ATRNL1: variants seen among roughly 807,000 people sequenced by gnomAD.
ATRNL1 encodes the protein attractin-like protein 1.
A neutral mutation model predicts 182.7 loss-of-function variants in ATRNL1; 95 were observed. The ratio of observed to expected loss-of-function variants is 0.52; its 90% confidence interval spans 0.44 to 0.62. The LOEUF (loss-of-function observed/expected upper bound fraction) is 0.62, where lower values mean the gene tolerates loss of function less well. ATRNL1 is among the 20% of genes least tolerant of loss of function. The probability of loss-of-function intolerance (pLI) is 0.00; values close to 1 mark genes in which losing one functional copy is unlikely to be tolerated. For missense variants in ATRNL1, 1,471 were observed against 1,679.5 expected (o/e 0.88, Z 2.17); for synonymous variants, 576 against 568.3 (o/e 1.01, Z -0.19).
At chr10:115,562,672 G>T (rs1180389050) in intron 26 of ATRNL1, among the ~76,000 whole-genome samples, 2 of 152,040 alleles carry the variant, frequency 1.3e-5, no homozygotes, top group African/African-American at 4.8e-5. Flanking sequence ...TTTTATAAGG[G>T]GATTCCCCCT....
chr10:115,804,318 T>C (rs965804161), intron 27 of ATRNL1, among the ~76,000 whole-genome samples: 16 of 152,154 alleles, frequency 1.1e-4, no homozygotes, highest in African/African-American at 3.9e-4. Flanking sequence ...AATGTTTGTG[T>C]CCCTTTACAG....
At chr10:115,520,948 A>G (rs1850896162) in intron 25 of ATRNL1, among the ~76,000 whole-genome samples, 1 of 152,230 alleles carries the variant, frequency 6.6e-6, no homozygotes, top group Non-Finnish European at 1.5e-5. Flanking sequence ...ATGTGTAAAA[A>G]GTGCATTCGT....
At chr10:115,852,866 G>A (rs1249629770) in intron 28 of ATRNL1, among the ~76,000 whole-genome samples, 1 of 152,162 alleles carries the variant, frequency 6.6e-6, no homozygotes, top group African/African-American at 2.4e-5. Context: ...TGGCGCATCT[G>A]CTCATGAAAC....
At chr10:115,910,481 C>G (rs1952641927) in intron 28 of ATRNL1, among the ~76,000 whole-genome samples, 1 of 152,146 alleles carries the variant, frequency 6.6e-6, no homozygotes, top group Non-Finnish European at 1.5e-5. Context: ...CTGAGCCACC[C>G]CCCACCCTCC....
chr10:115,535,033 C>T (rs1851878050), intron 25 of ATRNL1, among the ~76,000 whole-genome samples: 1 of 151,820 alleles, frequency 6.6e-6, no homozygotes, highest in South Asian at 2.1e-4. Context: ...CTCTGGCTGC[C>T]CTTAACATTT....
At position 115,169,228 on chromosome 10, in the gene ATRNL1, A is replaced by T. The variant is rs1847187527; in HGVS notation, c.1093-1809A>T. On this transcript the variant is annotated intron_variant, in intron 7 of 28. Coordinates refer to ENST00000355044, the MANE Select transcript of ATRNL1 (RefSeq NM_207303.4). ...TTACTTTTTTTTTTTTTTTTTTGAG[A>T]CAGAGTCTTGCTCTGTCACCCAGGC... Among the ~76,000 whole-genome samples the T allele has an allele frequency of 2.9e-5, 4 of 139,602 alleles. No individual in the cohort carries two copies. The South Asian group carries it at 6.7e-4, about 23-fold the overall frequency. 91.6% of individuals were successfully genotyped at this position (139,602 alleles called of 152,430 possible).
chr10:115,461,899 T>A, intron 21 of ATRNL1, 42 bp from the exon 22 acceptor site: 1 of 1,438,430 alleles, frequency 7.0e-7, no homozygotes, highest in Non-Finnish European at 9.6e-7. Context: ...TAGACAGTTT[T>A]TAAAGTACAT....
chr10:115,504,039 A>C (rs1849983881), intron 24 of ATRNL1, among the ~76,000 whole-genome samples: 1 of 151,986 alleles, frequency 6.6e-6, no homozygotes, highest in South Asian at 2.1e-4. Context: ...GTTTTTATAC[A>C]AATATATTAT....
chr10:115,226,048 A>G (rs1440366720), intron 9 of ATRNL1, among the ~76,000 whole-genome samples: 1 of 151,676 alleles, frequency 6.6e-6, no homozygotes, highest in Non-Finnish European at 1.5e-5. Flanking sequence ...TGATTTTACA[A>G]TAATTAAGTG....
intron 10 of ATRNL1, among the ~76,000 whole-genome samples, chr10:115,245,504 A>C (rs1850595868): frequency 6.7e-6 from 1 of 150,292 alleles, no homozygotes; most frequent in Non-Finnish European, 1.5e-5. Flanking sequence ...CGTCTCAAAA[A>C]AAAAAAAAAA....
intron 21 of ATRNL1, among the ~76,000 whole-genome samples, chr10:115,427,500 T>C (rs1447665475): frequency 1.3e-5 from 2 of 152,190 alleles, no homozygotes; most frequent in Admixed American, 1.3e-4. Flanking sequence ...TTGTGAAATC[T>C]TAGCCTAACA....
At chr10:115,294,493 TTTC>T (rs1853081261) in intron 15 of ATRNL1, among the ~76,000 whole-genome samples, 1 of 152,232 alleles carries the variant, frequency 6.6e-6, no homozygotes, top group Non-Finnish European at 1.5e-5. Context: ...ATGAATTGTT[TTTC>T]TTATTTTGTT....
chr10:115,552,078 G>T (rs1438583878), intron 26 of ATRNL1, among the ~76,000 whole-genome samples: 1 of 151,344 alleles, frequency 6.6e-6, no homozygotes, highest in East Asian at 1.9e-4. Flanking sequence ...GGGCTTAGTA[G>T]TATCCACAGT....
intron 8 of ATRNL1, among the ~76,000 whole-genome samples, chr10:115,207,059 G>C (rs1320821322): frequency 2.0e-5 from 3 of 152,110 alleles, no homozygotes; most frequent in African/African-American, 7.2e-5. Flanking sequence ...TGGTGTATAT[G>C]TGCCACATTT....
intron 27 of ATRNL1, among the ~76,000 whole-genome samples, chr10:115,822,012 T>G (rs181683991): frequency 6.6e-6 from 1 of 152,172 alleles, no homozygotes; most frequent in Non-Finnish European, 1.5e-5. Context: ...TATTCTAAAG[T>G]TGACCACATA....
At chr10:115,179,770 C>T (rs1847676306) in intron 8 of ATRNL1, among the ~76,000 whole-genome samples, 1 of 152,010 alleles carries the variant, frequency 6.6e-6, no homozygotes, top group Non-Finnish European at 1.5e-5. Context: ...TTCAGAATAG[C>T]ATGGAATTAG....
intron 27 of ATRNL1, among the ~76,000 whole-genome samples, chr10:115,812,248 A>G (rs1555087170): frequency 6.6e-6 from 1 of 152,086 alleles, no homozygotes; most frequent in Non-Finnish European, 1.5e-5. Context: ...CTTTTAATTC[A>G]TCTATTTAGA....
At chr10:115,785,622 C>G (rs1949378357) in intron 27 of ATRNL1, among the ~76,000 whole-genome samples, 1 of 152,190 alleles carries the variant, frequency 6.6e-6, no homozygotes. Flanking sequence ...AACCACACAC[C>G]TAATCTATTC....
chr10:115,159,098 AT>A (rs1447868523), intron 5 of ATRNL1, among the ~76,000 whole-genome samples: 1 of 151,702 alleles, frequency 6.6e-6, no homozygotes, highest in African/African-American at 2.4e-5. Flanking sequence ...CTTGGGACCC[AT>A]TATTTTAAAC....
Sources: allele counts gnomAD v4.1 joint callset (sites outside exome capture counted in the v4.1 genomes callset), GRCh38; gene constraint gnomAD v4.1.1; transcripts MANE v1.5; gene names NCBI Gene and HGNC (gene_info 2026-07-23, HGNC 2026-07-21).